The following GSDME variants were observed in gnomAD, a reference collection of about 807,000 sequenced individuals.
The protein encoded by GSDME is gasdermin E.
A neutral mutation model predicts 47.5 loss-of-function variants in GSDME; 44 were observed. The observed-to-expected ratio is 0.93, with a 90% confidence interval of 0.73 to 1.19. GSDME has a LOEUF of 1.19. GSDME is among the 50% of genes most tolerant of loss of function. The probability of loss-of-function intolerance (pLI) is 0.00; values close to 1 mark genes in which losing one functional copy is unlikely to be tolerated. For synonymous variants in GSDME, 258 were observed against 252.8 expected (o/e 1.02, Z -0.20); for missense variants, 663 against 604.2 (o/e 1.10, Z -1.02).
At chr7:24,791,412 C>A in the GSDME span, among the ~76,000 whole-genome samples, 2 of 152,214 alleles carry the variant, frequency 1.3e-5, no homozygotes, top group Admixed American at 6.5e-5. The surrounding 1 kb of genome is among the most constrained non-coding windows in gnomAD (Gnocchi z 4.8). Context: ...GTATGCCAGG[C>A]AGGACAGTTA....
Position 24,699,262 on chromosome 7 carries a change from G to A in GSDME, c.1258-3C>T. The A allele has an allele frequency of 1.3e-6, 2 of 1,593,348 alleles. No individual in the cohort carries two copies. Among genetic ancestry groups the A allele is most frequent in the South Asian group, 2.2e-5 (2 of 90,612 alleles). ...CCATCATCAGACAGAGCACGAAGCT[G>A]AAATGACACATTTAAACAAATTCAC... On this transcript the variant is annotated splice_polypyrimidine_tract_variant and splice_region_variant and intron_variant, in intron 9 of 9. Coordinates refer to ENST00000645220, the MANE Select transcript of GSDME (RefSeq NM_001127453.2).
chr7:24,766,183 TTGTGTGTG>T, the GSDME span, among the ~76,000 whole-genome samples: 20 of 144,518 alleles, frequency 1.4e-4, no homozygotes, highest in Admixed American at 5.6e-4. This position sits in a 1 kb window ranked among gnomAD's most constrained non-coding sequence, Gnocchi z 4.2. Flanking sequence ...ATTACATTAT[TTGTGTGTG>T]TGTGTGTGTG....
chr7:24,719,439 TGCCA>T (rs1789693886), intron 3 of GSDME, among the ~76,000 whole-genome samples: 2 of 152,120 alleles, frequency 1.3e-5, no homozygotes, highest in Non-Finnish European at 2.9e-5. Context: ...CCAGGCTAGA[TGCCA>T]GAGGGAAGGG....
chr7:24,741,556 A>G (rs1452545093), intron 3 of GSDME, among the ~76,000 whole-genome samples: 2 of 152,176 alleles, frequency 1.3e-5, no homozygotes, highest in African/African-American at 4.8e-5. Context: ...TTTGTTTTTG[A>G]TATGTGCACA....
In GSDME at chr7:24,744,584, G is replaced by A. The variant is rs1391559864; in HGVS notation, c.382C>T (p.Leu128Phe). The part of the protein sequence containing the change: ...LRKQEVDLQQ[L>F]IRDSAERTIN... ...TACCTCTCGGCAGAGTCTCTGATGA[G>A]CTGCTGCAAATCCACCTCCTGCTTC... The change falls in exon 3 of 10, where the codon CTC becomes TTC. Residue 128 changes from leucine to phenylalanine, a missense_variant. Coordinates refer to ENST00000645220, the MANE Select transcript of GSDME (RefSeq NM_001127453.2). This position sits in a 1 kb window ranked among gnomAD's most constrained non-coding sequence, Gnocchi z 4.5. The A allele has an allele frequency of 1.1e-5, 18 of 1,614,156 alleles. No homozygotes were observed. Among genetic ancestry groups the A allele is most frequent in the Non-Finnish European group, 1.4e-5 (17 of 1,180,040 alleles).
chr7:24,709,961 A>C (rs2128049694), intron 6 of GSDME, among the ~76,000 whole-genome samples: 1 of 152,030 alleles, frequency 6.6e-6, no homozygotes, highest in South Asian at 2.1e-4. Flanking sequence ...TGACTGCCTC[A>C]CTCTTCAGTC....
At chr7:24,731,718 A>G (rs922266622) in intron 3 of GSDME, among the ~76,000 whole-genome samples, 2 of 152,208 alleles carry the variant, frequency 1.3e-5, no homozygotes, top group Non-Finnish European at 2.9e-5. Context: ...ATGTTCTCTC[A>G]TTGAGTTCTC....
the GSDME span, among the ~76,000 whole-genome samples, chr7:24,792,436 G>T: frequency 6.6e-6 from 1 of 152,202 alleles, no homozygotes; most frequent in African/African-American, 2.4e-5. Context: ...AGTCTGAGAA[G>T]AGTCAGGAGG....
chr7:24,737,030 T>C (rs1790327992), intron 3 of GSDME, among the ~76,000 whole-genome samples: 1 of 152,088 alleles, frequency 6.6e-6, no homozygotes, highest in Non-Finnish European at 1.5e-5. Context: ...AGGAAGTTTA[T>C]AGCTGTACAT....
Position 24,739,476 on chromosome 7 carries a change from A to G in GSDME, c.404+5086T>C, listed in dbSNP as rs1233371738. ...GCTTTTATCCAAAAGACAGGCAATA[A>G]AAACTGCTGATAAGAATGTGGAAAA... On this transcript the variant is annotated intron_variant, in intron 3 of 9. Transcript: ENST00000645220. The surrounding 1 kb of genome is among the most constrained non-coding windows in gnomAD (Gnocchi z 5.1). 1.3e-5 allele frequency among the ~76,000 whole-genome samples: 2 copies of G among 152,166 alleles called. No individual in the cohort carries two copies. Among genetic ancestry groups the G allele is most frequent in the Non-Finnish European group, 2.9e-5 (2 of 68,026 alleles).
In GSDME at chr7:24,705,347, T is replaced by A. The variant is rs762464660; in HGVS notation, c.1183+837A>T. 2 of 152,398 alleles carry A rather than the reference T, an allele frequency of 1.3e-5. No homozygotes were observed. The highest frequency in any genetic ancestry group is 1.9e-4 in the East Asian group (1 of 5,196). 9.4% of individuals were successfully genotyped at this position (152,398 alleles called of 1,614,324 possible). A position where few individuals can be genotyped will look rare whatever the true frequency, so the allele number is the denominator to read the frequency against. On this transcript the variant is annotated intron_variant, in intron 8 of 9. Transcript: ENST00000645220. This position sits in a 1 kb window ranked among gnomAD's most constrained non-coding sequence, Gnocchi z 4.1. The stretch of plus-strand genomic sequence containing the variant: ...GACAGAGCATATATTTATCAGCACA[T>A]AGAGTTGGGACAGGCATTCTCTCAG...
rs1788923894 is a variant in GSDME at position 24,702,771 on chromosome 7, G to A, written c.1246C>T (p.Leu416=). Residue 416 remains leucine, a synonymous_variant, in exon 9 of 10, where the codon CTG becomes TTG. Coordinates refer to ENST00000645220, the MANE Select transcript of GSDME (RefSeq NM_001127453.2). The part of the protein sequence containing the change: ...TCCKLQIIPT[L]CHLLRALSDD... ...GGGAGGTTGCTTACCAAGTGGCACAGTGTGGGAATGATCTGGAGTTTGCAG... is the reference window on the plus strand; with the variant it reads ...GGGAGGTTGCTTACCAAGTGGCACAATGTGGGAATGATCTGGAGTTTGCAG... 2 of 1,613,332 alleles carry A rather than the reference G, an allele frequency of 1.2e-6. No homozygotes were observed. Among genetic ancestry groups the A allele is most frequent in the Non-Finnish European group, 1.7e-6 (2 of 1,179,574 alleles).
At position 24,725,889 on chromosome 7, in the gene GSDME, G is replaced by A. The variant is rs77626207; in HGVS notation, c.405-6671C>T. 0.038 allele frequency among the ~76,000 whole-genome samples: 5,847 copies of A among 152,204 alleles called. 159 individuals are homozygous for A. Among genetic ancestry groups the A allele is most frequent in the Non-Finnish European group, 0.057 (3,883 of 68,022 alleles). ...GGTGGTCCCCTCCCTTAAGGAAGTGGACCCTCAAAGCAATTAAGAGCATGG... is the reference window on the plus strand; with the variant it reads ...GGTGGTCCCCTCCCTTAAGGAAGTGAACCCTCAAAGCAATTAAGAGCATGG... On this transcript the variant is annotated intron_variant, in intron 3 of 9. Coordinates refer to ENST00000645220, the MANE Select transcript of GSDME (RefSeq NM_001127453.2). This position sits in a 1 kb window ranked among gnomAD's most constrained non-coding sequence, Gnocchi z 5.1.
In GSDME at chr7:24,710,408, G is replaced by T. The variant is rs375434243; in HGVS notation, c.698-20C>A. 1.9e-4 allele frequency: 302 copies of T among 1,613,900 alleles called. No individual in the cohort carries two copies. Among genetic ancestry groups the T allele is most frequent in the Non-Finnish European group, 2.4e-4 (279 of 1,179,902 alleles). ...AGAACTCTGTAGTGCAGGAGAAAAG[G>T]ACAAGTTAGGTAAAGTTGAGTCTAA... On this transcript the variant is annotated intron_variant, in intron 5 of 9. Transcript: ENST00000645220.
chr7:24,698,545 C>G lies in GSDME; in HGVS notation c.*481G>C, dbSNP rs12979. The G allele has an allele frequency of 0.12, 28,943 of 233,506 alleles. 1,921 individuals are homozygous for G. Among genetic ancestry groups the G allele is most frequent in the Admixed American group, 0.15 (2,829 of 19,144 alleles). 14.5% of individuals were successfully genotyped at this position (233,506 alleles called of 1,614,324 possible). On this transcript the variant is annotated 3_prime_UTR_variant, in exon 10 of 10. Transcript: ENST00000645220. Reference sequence around the variant, plus strand: ...ATTTTGTTCAGCAGAGGAATATACTCTAGGAGCATTTACAGTTCATTTTCA... The same window carrying G: ...ATTTTGTTCAGCAGAGGAATATACTGTAGGAGCATTTACAGTTCATTTTCA...
At position 24,725,826 on chromosome 7, in the gene GSDME, T is replaced by A. The variant is rs1789947738; in HGVS notation, c.405-6608A>T. 6.6e-6 allele frequency among the ~76,000 whole-genome samples: 1 copy of A among 152,138 alleles called. No homozygotes were observed. The highest frequency in any genetic ancestry group is 2.1e-4 in the South Asian group (1 of 4,816). On this transcript the variant is annotated intron_variant, in intron 3 of 9. Transcript: ENST00000645220. This position sits in a 1 kb window ranked among gnomAD's most constrained non-coding sequence, Gnocchi z 5.1. ...TGCCTTTTAGTTTTTACTTTTTCTTTCTTTGGAGGCAGAAATTGGGCATAA... is the reference window on the plus strand; with the variant it reads ...TGCCTTTTAGTTTTTACTTTTTCTTACTTTGGAGGCAGAAATTGGGCATAA...
chr7:24,702,524 G>T, intron 9 of GSDME: 3 of 455,226 alleles, frequency 6.6e-6, no homozygotes, highest in South Asian at 5.8e-5. Flanking sequence ...GAAAGACAAG[G>T]ATGAAGTCCT....
At chr7:24,741,401 T>G (rs1380704929) in intron 3 of GSDME, among the ~76,000 whole-genome samples, 2 of 151,634 alleles carry the variant, frequency 1.3e-5, no homozygotes, top group Non-Finnish European at 2.9e-5. Context: ...AAAAAGTATG[T>G]GACATATCTT....
intron 5 of GSDME, among the ~76,000 whole-genome samples, chr7:24,711,673 G>C (rs1789359608): frequency 6.6e-6 from 1 of 151,930 alleles, no homozygotes; most frequent in Non-Finnish European, 1.5e-5. Flanking sequence ...AAATGAGCTG[G>C]GCATGGTCAC....
Sources: allele counts gnomAD v4.1 joint callset (sites outside exome capture counted in the v4.1 genomes callset), GRCh38; gene constraint gnomAD v4.1.1; non-coding constraint Gnocchi (gnomAD v3.1); transcripts MANE v1.5; gene names NCBI Gene and HGNC (gene_info 2026-07-23, HGNC 2026-07-21).